TGM1: variants seen among roughly 807,000 people sequenced by gnomAD.
TGM1 encodes the protein protein-glutamine gamma-glutamyltransferase K.
Under a neutral mutation model 88.7 loss-of-function variants are expected in TGM1, and 63 were observed. The observed-to-expected ratio is 0.71, with a 90% CI of 0.58 to 0.88. The LOEUF is 0.88. Among genes scored for constraint, TGM1 ranks in the 40% least tolerant of loss-of-function variants. The probability of loss-of-function intolerance (pLI) is 0.00; values close to 1 mark genes in which losing one functional copy is unlikely to be tolerated. For synonymous variants in TGM1, 415 were observed against 431.1 expected (o/e 0.96, Z 0.46); for missense variants, 996 against 1,118.0 (o/e 0.89, Z 1.56).
rs2040737801 is a variant in TGM1 at position 24,255,110 on chromosome 14, A to G, written c.1789T>C (p.Ser597Pro). The change falls in exon 12 of 15, where the codon TCT (serine) becomes CCT (proline). Residue 597 changes from serine to proline, a missense_variant. Physicochemically the swap from Ser to Pro is moderately conservative, Grantham distance 74. Transcript: ENST00000206765. This position sits in a 1 kb window ranked among gnomAD's most constrained non-coding sequence, Gnocchi z 4.0. ...DAVMGQDLMV[S>P]VMLINHSSSR... is the part of the protein sequence containing the mutation. ...CTGCTGTGATTGATCAGCATCACAG[A>G]GACCATCAGATCCTGCCCCATCACC... 1 of 1,614,034 alleles carries G rather than the reference A, an allele frequency of 6.2e-7. No individual in the cohort carries two copies. Among genetic ancestry groups the G allele is most frequent in the Non-Finnish European group, 8.5e-7 (1 of 1,180,050 alleles).
rs2139019879 is a variant in TGM1, at chr14:24,255,389, G to A, written c.1620C>T (p.Ile540=). ...KAISSNMRED[I]TYLYKHPEGS... is the part of the protein sequence containing the mutation. ...CTTCTGGGTGCTTATAGAGGTAGGT[G>A]ATGTCCTCCCGCATGTTGGAGCTGA... is the stretch of plus-strand genomic sequence containing the variant. The change falls in exon 11 of 15, where the codon ATC becomes ATT. Residue 540 remains isoleucine, a synonymous_variant. Transcript: ENST00000206765. The surrounding 1 kb of genome is among the most constrained non-coding windows in gnomAD (Gnocchi z 4.0). 1.2e-6 allele frequency: 2 copies of A among 1,614,232 alleles called. No individual in the cohort carries two copies. The highest frequency in any genetic ancestry group is 2.7e-5 in the African/African-American group (2 of 75,060).
At chr14:24,257,303 G>T (rs892102388) in intron 9 of TGM1, among the ~76,000 whole-genome samples, 1 of 152,218 alleles carries the variant, frequency 6.6e-6, no homozygotes, top group Non-Finnish European at 1.5e-5. Context: ...GGCAGGGCAG[G>T]CCTGGTGGCC....
rs752930335 is a variant in TGM1 at position 24,262,209 on chromosome 14, A to G, written c.144T>C (p.Cys48=). The change falls in exon 2 of 15, where the codon TGT becomes TGC. Residue 48 remains cysteine (C), a synonymous_variant. Coordinates refer to ENST00000206765, the MANE Select transcript of TGM1 (RefSeq NM_000359.3). ...GGGRSFWARC[C]GCCSCRNAAD... ...CCGCATTTCGGCATGAACAGCAGCC[A>G]CAGCAGCGAGCCCAGAAGGAACGGC... The G allele has an allele frequency of 6.2e-7, 1 of 1,613,874 alleles. No individual in the cohort carries two copies. The highest frequency in any genetic ancestry group is 8.5e-7 in the Non-Finnish European group (1 of 1,180,024).
chr14:24,258,245 A>C (rs2040773417), intron 9 of TGM1, 40 bp downstream of exon 9: 1 of 1,526,392 alleles, frequency 6.6e-7, no homozygotes, highest in Non-Finnish European at 9.1e-7. Flanking sequence ...GGTGGGGGAG[A>C]TAAGCAGGGG....
At chr14:24,261,919 T>G in intron 2 of TGM1, 36 bp from the exon 3 acceptor site, 1 of 1,611,418 alleles carries the variant, frequency 6.2e-7, no homozygotes, top group South Asian at 1.1e-5. Flanking sequence ...TGAAGCCCCA[T>G]GAGGAGCCCA....
At chr14:24,250,224 C>A (rs1248592524) in intron 14 of TGM1, among the ~76,000 whole-genome samples, 1 of 151,436 alleles carries the variant, frequency 6.6e-6, no homozygotes, top group Non-Finnish European at 1.5e-5. Flanking sequence ...CACACACACA[C>A]AACCAGTGTT....
intron 9 of TGM1, 70 bp downstream of exon 9, chr14:24,258,215 A>G (rs767699516): frequency 3.7e-4 from 498 of 1,364,164 alleles, no homozygotes; most frequent in Non-Finnish European, 4.7e-4. Context: ...CAGCACTGAC[A>G]CTCTGGACTG....
At chr14:24,257,980 G>A (rs1227618705) in intron 9 of TGM1, among the ~76,000 whole-genome samples, 1 of 152,098 alleles carries the variant, frequency 6.6e-6, no homozygotes, top group Non-Finnish European at 1.5e-5. Flanking sequence ...AGTAAGAATA[G>A]TGAATATGAA....
At chr14:24,254,107 G>A (rs769913123) in intron 14 of TGM1, 45 bp downstream of exon 14, 12 of 1,587,244 alleles carry the variant, frequency 7.6e-6, no homozygotes, top group Non-Finnish European at 1.0e-5. Context: ...AGCCTGTGGG[G>A]AAGGCCAGAG....
Position 24,260,689 on chromosome 14 carries a change from G to A in TGM1, c.518C>T (p.Pro173Leu). The A allele has an allele frequency of 3.1e-6, 5 of 1,614,064 alleles. No homozygotes were observed. The highest frequency in any genetic ancestry group is 4.2e-6 in the Non-Finnish European group (5 of 1,180,020). ...ITLELLIGNN[P>L]EVGKGTHVII... ...CACGTGCGTGCCCTTGCCCACCTCG[G>A]GGTTGTTTCCTAGAGTAGGAAATCA... is the stretch of plus-strand genomic sequence containing the variant. Residue 173 changes from proline (P) to leucine (L), a missense_variant, in exon 4 of 15, where the codon CCC becomes CTC. Coordinates refer to ENST00000206765, the MANE Select transcript of TGM1 (RefSeq NM_000359.3).
intron 9 of TGM1, 104 bp from the exon 10 acceptor site, chr14:24,256,181 C>A (rs2040750003): frequency 7.5e-6 from 7 of 937,232 alleles, no homozygotes; most frequent in Non-Finnish European, 1.2e-5. Context: ...CCCACTCAGG[C>A]CCGGTCCCAC....
chr14:24,254,379 G>A, intron 13 of TGM1, 91 bp from the exon 14 acceptor site: 9 of 1,591,258 alleles, frequency 5.7e-6, no homozygotes, highest in Non-Finnish European at 7.7e-6. Flanking sequence ...AAGCTGCTTA[G>A]AAGCAAAACC....
In TGM1 at chr14:24,254,142, C is replaced by A. The variant is rs2139018344; in HGVS notation, c.2225+10G>T. ...GTGGAAGCAGGGGTAGGGGGAGAGG[C>A]CAGACTCACCCAACGTTGAGGATCT... On this transcript the variant is annotated intron_variant, in intron 14 of 14. Transcript: ENST00000206765. 6.2e-7 allele frequency: 1 copy of A among 1,607,576 alleles called. No homozygotes were observed. The highest frequency in any genetic ancestry group is 8.5e-7 in the Non-Finnish European group (1 of 1,176,916).
At chr14:24,258,470 A>ACCCC in intron 8 of TGM1, 65 bp downstream of exon 8, 2 of 953,940 alleles carry the variant, frequency 2.1e-6, no homozygotes, top group Non-Finnish European at 3.2e-6. Context: ...AGCCCTGCCC[A>ACCCC]CCCTCCACCT....
rs1466190242 is a variant in TGM1, at chr14:24,255,957, G to C, written c.1491+32C>G. On this transcript the variant is annotated intron_variant, in intron 10 of 14. Transcript: ENST00000206765. The surrounding 1 kb of genome is among the most constrained non-coding windows in gnomAD (Gnocchi z 4.0). ...TGGGACCAGAGAACCCATGACTGAA[G>C]CCCAAGAAGGCACCTGGAGCCCAGC... 2 of 1,530,968 alleles carry C rather than the reference G, an allele frequency of 1.3e-6. No individual in the cohort carries two copies. The highest frequency in any genetic ancestry group is 1.8e-6 in the Non-Finnish European group (2 of 1,127,776). 94.8% of individuals were successfully genotyped at this position (1,530,968 alleles called of 1,614,324 possible). A position where few individuals can be genotyped will look rare whatever the true frequency, so the allele number is the denominator to read the frequency against.
In TGM1 at chr14:24,258,598, G is replaced by A; in HGVS notation, c.1235C>T (p.Thr412Ile). ...GTTCTCGTCGAAGTAGATGTCCATG[G>A]TAAGGGATGTGTCTGTGTCGTGGGC... The part of the protein sequence containing the change: ...NSAHDTDTSL[T>I]MDIYFDENMK... The change falls in exon 8 of 15, where the codon ACC (threonine) becomes ATC (isoleucine). Residue 412 changes from threonine (T) to isoleucine (I), a missense_variant. By Grantham distance (89) the Thr-to-Ile change is moderately conservative. Transcript: ENST00000206765. The A allele has an allele frequency of 6.2e-7, 1 of 1,614,242 alleles. No individual in the cohort carries two copies.
intron 3 of TGM1, among the ~76,000 whole-genome samples, chr14:24,261,489 G>C (rs1235367606): frequency 6.6e-6 from 1 of 152,134 alleles, no homozygotes; most frequent in Non-Finnish European, 1.5e-5. Flanking sequence ...CAGGAGGCTT[G>C]AGGAGGATGG....
intron 9 of TGM1, among the ~76,000 whole-genome samples, chr14:24,257,466 A>T (rs991583237): frequency 6.6e-6 from 1 of 152,248 alleles, no homozygotes; most frequent in Non-Finnish European, 1.5e-5. Flanking sequence ...GCAGGGTCAT[A>T]AGGGCTATTT....
In TGM1 at chr14:24,254,298, A is replaced by T; in HGVS notation, c.2089-10T>A. On this transcript the variant is annotated splice_polypyrimidine_tract_variant and intron_variant, in intron 13 of 14. Coordinates refer to ENST00000206765, the MANE Select transcript of TGM1 (RefSeq NM_000359.3). Reference sequence around the variant, plus strand: ...CTGCTGCTCCCAGTAACTGAGAGAAAAAGAGGCCCATCCCCCACGTCAGAG... The same window carrying T: ...CTGCTGCTCCCAGTAACTGAGAGAATAAGAGGCCCATCCCCCACGTCAGAG... The T allele has an allele frequency of 6.2e-7, 1 of 1,613,994 alleles. No individual in the cohort carries two copies. Among genetic ancestry groups the T allele is most frequent in the South Asian group, 1.1e-5 (1 of 91,056 alleles).
Sources: allele counts gnomAD v4.1 joint callset (sites outside exome capture counted in the v4.1 genomes callset), GRCh38; gene constraint gnomAD v4.1.1; non-coding constraint Gnocchi (gnomAD v3.1); transcripts MANE v1.5; gene names NCBI Gene and HGNC (gene_info 2026-07-23, HGNC 2026-07-21).